Variants in CPNE8 observed in about 807,000 individuals in gnomAD.
CPNE8 encodes copine 8, also known as copine-8.
Under a neutral mutation model 81.5 loss-of-function variants are expected in CPNE8, and 45 were observed. That is an observed-to-expected ratio of 0.55 (90% CI 0.44 to 0.71). The LOEUF is 0.71. Among genes scored for constraint, CPNE8 ranks in the 30% least tolerant of loss-of-function variants. The pLI is 0.00. For synonymous variants in CPNE8, 252 were observed against 226.3 expected, an observed-to-expected ratio of 1.11 and a Z score of -1.02; for missense variants, 594 against 672.1, an observed-to-expected ratio of 0.88 and a Z score of 1.28.
chr12:38,881,209 CAAA>C (rs11336431), intron 1 of CPNE8, among the ~76,000 whole-genome samples: 18 of 126,454 alleles, frequency 1.4e-4, no homozygotes, highest in Admixed American at 2.4e-4. Flanking sequence ...GATTCCGTCT[CAAA>C]AAAAAAAAAA....
intron 16 of CPNE8, chr12:38,679,523 G>A (rs1939366455): frequency 1.1e-6 from 1 of 918,846 alleles, no homozygotes; most frequent in Non-Finnish European, 1.3e-6. Flanking sequence ...AGTTGCATGA[G>A]TTTATTGTGT....
chr12:38,784,615 C>G (rs893973813), intron 6 of CPNE8, among the ~76,000 whole-genome samples: 1 of 151,942 alleles, frequency 6.6e-6, no homozygotes, highest in Non-Finnish European at 1.5e-5. Context: ...AGGAAGAATC[C>G]CAAAAGCAGC....
Position 38,652,221 on chromosome 12 carries a change from T to A in CPNE8, c.*1661A>T, listed in dbSNP as rs569314469. 8 of 152,334 alleles carry A rather than the reference T, an allele frequency of 5.3e-5. No individual in the cohort carries two copies. The South Asian group carries it at 1.4e-3, about 28-fold the overall frequency. The allele number at this position is 152,334 out of a possible 1,614,324, so 9.4% of individuals were successfully genotyped here. On this transcript the variant is annotated 3_prime_UTR_variant, in exon 20 of 20. Transcript: ENST00000331366. ...AAGAAAAGAATATTGATCTTATTTA[T>A]TTGTTTTTTGGGTTGATAAATAAAG...
At chr12:38,769,522 C>A (rs1180257849) in intron 7 of CPNE8, among the ~76,000 whole-genome samples, 1 of 152,078 alleles carries the variant, frequency 6.6e-6, no homozygotes, top group Non-Finnish European at 1.5e-5. Flanking sequence ...ATTTTGAATG[C>A]CCCTTCATTT....
chr12:38,723,865 GTTGT>G (rs1940631545), intron 12 of CPNE8, 32 bp from the exon 13 acceptor site: 1 of 1,313,702 alleles, frequency 7.6e-7, no homozygotes, highest in Non-Finnish European at 1.1e-6. Context: ...TTACCTTCTA[GTTGT>G]TTGTGACCCC....
chr12:38,890,408 T>C (rs1944298481), intron 1 of CPNE8, among the ~76,000 whole-genome samples: 1 of 152,246 alleles, frequency 6.6e-6, no homozygotes, highest in African/African-American at 2.4e-5. Flanking sequence ...GTAAACTTCC[T>C]CATTTTTAAC....
At chr12:38,715,516 A>G (rs1305226570) in intron 13 of CPNE8, among the ~76,000 whole-genome samples, 1 of 152,126 alleles carries the variant, frequency 6.6e-6, no homozygotes, top group Non-Finnish European at 1.5e-5. Flanking sequence ...AATGTGATAC[A>G]TCACATAAAC....
intron 6 of CPNE8, among the ~76,000 whole-genome samples, chr12:38,787,773 T>C (rs919927243): frequency 1.3e-5 from 2 of 151,608 alleles, no homozygotes; most frequent in African/African-American, 4.8e-5. Flanking sequence ...TTACAACTGA[T>C]ACTGCAGAAA....
intron 13 of CPNE8, among the ~76,000 whole-genome samples, chr12:38,711,303 T>G (rs1386346839): frequency 1.3e-5 from 2 of 152,156 alleles, no homozygotes; most frequent in Non-Finnish European, 1.5e-5. Flanking sequence ...TGTCAATATT[T>G]GGCAAGATTA....
intron 19 of CPNE8, among the ~76,000 whole-genome samples, chr12:38,654,904 TCTTTCTAAGACAAAATCGCATGGA>T (rs1282423641): frequency 3.3e-5 from 5 of 152,162 alleles, no homozygotes; most frequent in African/African-American, 1.2e-4. Context: ...GTATTTTAAT[TCTTTCTAAGACAAAATCGCATGGA>T]CTATGAATAT....
At chr12:38,760,453 G>GTATATA (rs1565601623) in intron 10 of CPNE8, among the ~76,000 whole-genome samples, 1 of 125,812 alleles carries the variant, frequency 7.9e-6, no homozygotes, top group Non-Finnish European at 1.5e-5. Context: ...ATATATATAT[G>GTATATA]TGTGTGTATA....
intron 6 of CPNE8, among the ~76,000 whole-genome samples, chr12:38,781,547 A>C (rs958915967): frequency 6.6e-6 from 1 of 152,092 alleles, no homozygotes; most frequent in Non-Finnish European, 1.5e-5. Context: ...AGAAATAGTT[A>C]TTGTGTAATG....
intron 19 of CPNE8, among the ~76,000 whole-genome samples, chr12:38,664,048 C>A (rs1292610794): frequency 6.6e-6 from 1 of 151,914 alleles, no homozygotes; most frequent in East Asian, 1.9e-4. Flanking sequence ...GGAATAAATT[C>A]TGTTGTTCTC....
At position 38,874,473 on chromosome 12, in the gene CPNE8, G is replaced by T; in HGVS notation, c.137C>A (p.Pro46Gln). 6.2e-7 allele frequency: 1 copy of T among 1,604,782 alleles called. No homozygotes were observed. ...AAAGGCAAGCAATACATACTTACTT[G>T]GATCAGATTTAGAAAATGTGTCTCT... is the stretch of plus-strand genomic sequence containing the variant. ...LDRDTFSKSD[P>Q]ICVLYVQGVG... The change falls in exon 2 of 20, where the codon CCA (proline) becomes CAA (glutamine). Residue 46 changes from proline (P) to glutamine (Q), a missense_variant and splice_region_variant. Coordinates refer to ENST00000331366, the MANE Select transcript of CPNE8 (RefSeq NM_153634.3).
At chr12:38,773,828 T>G (rs767639297) in intron 7 of CPNE8, among the ~76,000 whole-genome samples, 1 of 152,120 alleles carries the variant, frequency 6.6e-6, no homozygotes, top group Non-Finnish European at 1.5e-5. Context: ...ACTATACTAA[T>G]GTAGTAATGA....
chr12:38,865,404 A>T (rs1049094597), intron 3 of CPNE8, among the ~76,000 whole-genome samples: 1 of 152,238 alleles, frequency 6.6e-6, no homozygotes, highest in Non-Finnish European at 1.5e-5. Flanking sequence ...AGTAGAATGG[A>T]TAAGTAAATT....
chr12:38,844,819 C>A (rs181734939), intron 4 of CPNE8, among the ~76,000 whole-genome samples: 65 of 152,166 alleles, frequency 4.3e-4, no homozygotes, highest in African/African-American at 1.4e-3. Flanking sequence ...TTCAAAGCTT[C>A]TTTTTTAACT....
chr12:38,839,525 C>CA lies in CPNE8; in HGVS notation c.330+390dup, dbSNP rs928688385. Among the ~76,000 whole-genome samples, 1,133 of 145,878 alleles carry CA rather than the reference C, an allele frequency of 7.8e-3. 7 individuals are homozygous for CA. The highest frequency in any genetic ancestry group is 0.02 in the East Asian group (100 of 4,916). ...GAAATATTGGTAAATAAACAAACTA[C>CA]AAAAAAAAAACAGAATAACAAACCA... On this transcript the variant is annotated intron_variant, in intron 5 of 19. Transcript: ENST00000331366.
At chr12:38,745,838 C>A (rs1941213898) in intron 10 of CPNE8, among the ~76,000 whole-genome samples, 1 of 152,162 alleles carries the variant, frequency 6.6e-6, no homozygotes, top group African/African-American at 2.4e-5. Flanking sequence ...CACGGCACCC[C>A]ATAGGGTTTT....
Sources: gnomAD v4.1 joint callset for allele counts (sites outside exome capture counted in the v4.1 genomes callset) on GRCh38, gnomAD v4.1.1 for gene constraint, MANE v1.5 for transcripts, NCBI Gene and HGNC (gene_info 2026-07-23, HGNC 2026-07-21) for gene names.